The following RBFOX1 variants were observed in gnomAD, a reference collection of about 807,000 sequenced individuals.
The protein encoded by RBFOX1 is RNA binding protein fox-1 homolog 1.
Under a neutral mutation model 57.7 loss-of-function variants are expected in RBFOX1, and 8 were observed. That is an observed-to-expected ratio of 0.14 (90% CI 0.08 to 0.25). The LOEUF (loss-of-function observed/expected upper bound fraction) is 0.25. Among genes scored for constraint, RBFOX1 ranks in the 10% least tolerant of loss-of-function variants. RBFOX1 has a pLI of 1.00. For missense variants in RBFOX1, 611 were observed against 548.5 expected (o/e 1.11, Z -1.14); for synonymous variants, 326 against 222.4 (o/e 1.47, Z -4.15).
chr16:7,049,272 G>C (rs1166047749), intron 3 of RBFOX1, among the ~76,000 whole-genome samples: 1 of 152,112 alleles, frequency 6.6e-6, no homozygotes, highest in East Asian at 1.9e-4. Flanking sequence ...AGTGTCAAGA[G>C]AAGAGAGGAA....
At chr16:7,405,200 AGTG>A (rs1445324971) in intron 4 of RBFOX1, among the ~76,000 whole-genome samples, 1 of 152,202 alleles carries the variant, frequency 6.6e-6, no homozygotes, top group Non-Finnish European at 1.5e-5. Context: ...ACGATACAGC[AGTG>A]TTTGTTTTCT....
In RBFOX1 at chr16:6,019,885, G is replaced by A. The variant is rs1340458592; in HGVS notation, c.-234G>A. On this transcript the variant is annotated 5_prime_UTR_variant, in exon 1 of 16. Transcript: ENST00000550418. This position sits in a 1 kb window ranked among gnomAD's most constrained non-coding sequence, Gnocchi z 4.2. ...GCGTGAGAAACCAGCACCCCCTTCC[G>A]CCGCCTCCAGCTTATGGTGAGTGTG... is the stretch of plus-strand genomic sequence containing the variant. The A allele has an allele frequency of 3.9e-6, 6 of 1,534,770 alleles. No individual in the cohort carries two copies. The highest frequency in any genetic ancestry group is 2.5e-5 in the East Asian group (1 of 40,810).
rs184271494 is a variant in RBFOX1 at position 6,961,477 on chromosome 16, G to A, written c.-15-90580G>A. Among the ~76,000 whole-genome samples, 9 of 152,322 alleles carry A rather than the reference G, an allele frequency of 5.9e-5. No individual in the cohort carries two copies. In the East Asian group the frequency reaches 1.7e-3, roughly 29 times the overall value. ...AGGGGTCCCGATCAAGATCCCAAAG[G>A]AGGGTTCTTGGAAATTGCAGAAGAA... On this transcript the variant is annotated intron_variant, in intron 3 of 15. Coordinates refer to ENST00000550418, the MANE Select transcript of RBFOX1 (RefSeq NM_018723.4).
At chr16:6,687,406 C>G (rs1215166686) in intron 3 of RBFOX1, among the ~76,000 whole-genome samples, 1 of 151,982 alleles carries the variant, frequency 6.6e-6, no homozygotes. Flanking sequence ...ACCCATGTAA[C>G]CAAAAACCAC....
intron 4 of RBFOX1, among the ~76,000 whole-genome samples, chr16:5,888,102 C>G (rs1367940056): frequency 6.6e-6 from 1 of 152,200 alleles, no homozygotes; most frequent in East Asian, 1.9e-4. Context: ...CCACCTTCCT[C>G]TCAGACCACT....
intron 3 of RBFOX1, among the ~76,000 whole-genome samples, chr16:6,790,077 T>C (rs1021257681): frequency 1.5e-5 from 2 of 133,362 alleles, no homozygotes; most frequent in African/African-American, 2.5e-5. Flanking sequence ...AACTTATTTA[T>C]ATTTTTCTAT....
rs1253599905 is a variant in RBFOX1, at chr16:6,019,053, G to A, written c.-1066G>A. 5.1e-6 allele frequency: 5 copies of A among 971,692 alleles called. No homozygotes were observed. The highest frequency in any genetic ancestry group is 6.1e-6 in the Non-Finnish European group (5 of 818,048). 60.2% of individuals were successfully genotyped at this position (971,692 alleles called of 1,614,324 possible). ...TATTTTTGGCTCCGCAGCCGGGGCT[G>A]CTCGCTGCTTGTCGCGCGCTCACAC... On this transcript the variant is annotated 5_prime_UTR_variant, in exon 1 of 16. Transcript: ENST00000550418. The surrounding 1 kb of genome is among the most constrained non-coding windows in gnomAD (Gnocchi z 4.2).
rs143130283 is a variant in RBFOX1 at position 6,309,782 on chromosome 16, C to G, written c.-126-7213C>G. ...CAGACACAGAGACTATACCTGAGCC[C>G]TTGTTGAATGGGCAAATGCAGCCAA... On this transcript the variant is annotated intron_variant, in intron 1 of 15. Coordinates refer to ENST00000550418, the MANE Select transcript of RBFOX1 (RefSeq NM_018723.4). Among the ~76,000 whole-genome samples the G allele has an allele frequency of 6.2e-3, 949 of 152,114 alleles. 7 individuals carry two copies. The highest frequency in any genetic ancestry group is 8.4e-3 in the Non-Finnish European group (573 of 67,980).
At chr16:7,630,168 T>C (rs1218672240) in intron 10 of RBFOX1, among the ~76,000 whole-genome samples, 1 of 152,050 alleles carries the variant, frequency 6.6e-6, no homozygotes, top group African/African-American at 2.4e-5. Flanking sequence ...GAGGTAGGTA[T>C]ATTTACCCCT....
At chr16:6,133,875 A>G (rs2096647319) in intron 1 of RBFOX1, among the ~76,000 whole-genome samples, 1 of 151,722 alleles carries the variant, frequency 6.6e-6, no homozygotes, top group African/African-American at 2.4e-5. Flanking sequence ...CTTCTAAATT[A>G]CTGTTTAGAC....
chr16:7,165,957 C>CAT (rs1384584704), intron 4 of RBFOX1, among the ~76,000 whole-genome samples: 3 of 99,654 alleles, frequency 3.0e-5, no homozygotes, highest in African/African-American at 1.3e-4. Context: ...CACACACACA[C>CAT]ACACACACAT....
chr16:5,288,024 T>G (rs3942094), intron 1 of RBFOX1, among the ~76,000 whole-genome samples: 67,727 of 152,006 alleles, frequency 0.45, 15,408 homozygotes, highest in Non-Finnish European at 0.5. Context: ...ACTAGGGAGG[T>G]ACCATAGCAG....
intron 3 of RBFOX1, among the ~76,000 whole-genome samples, chr16:6,813,598 C>G (rs1385218211): frequency 4.6e-5 from 7 of 152,206 alleles, no homozygotes; most frequent in Admixed American, 4.6e-4. Flanking sequence ...AAACCTCTCT[C>G]TCCACAGGTG....
At position 6,375,296 on chromosome 16, in the gene RBFOX1, A is replaced by T. The variant is rs574491810; in HGVS notation, c.-64+58239A>T. ...TGTTTTGCCAGAGTGGGGAAAAAAAACAAAAACAAAAACAAAAACCACCTT... is the reference window on the plus strand; with the variant it reads ...TGTTTTGCCAGAGTGGGGAAAAAAATCAAAAACAAAAACAAAAACCACCTT... On this transcript the variant is annotated intron_variant, in intron 2 of 15. Coordinates refer to ENST00000550418, the MANE Select transcript of RBFOX1 (RefSeq NM_018723.4). 8.7e-4 allele frequency among the ~76,000 whole-genome samples: 131 copies of T among 151,196 alleles called. 1 individual carries two copies. The highest frequency in any genetic ancestry group is 3.1e-3 in the African/African-American group (125 of 40,580).
chr16:6,915,719 T>C (rs575524987), intron 3 of RBFOX1, among the ~76,000 whole-genome samples: 1 of 151,942 alleles, frequency 6.6e-6, no homozygotes, highest in Non-Finnish European at 1.5e-5. Flanking sequence ...CCTGACTAAA[T>C]TTTTCTACTT....
intron 1 of RBFOX1, among the ~76,000 whole-genome samples, chr16:6,028,509 TA>T (rs36218292): frequency 0.2 from 21,010 of 104,044 alleles, 2,237 homozygotes; most frequent in Middle Eastern, 0.3. Flanking sequence ...CTGTCTCTGT[TA>T]AAAAAAAAAA....
At chr16:7,651,917 T>C (rs1020117172) in intron 11 of RBFOX1, among the ~76,000 whole-genome samples, 1 of 152,076 alleles carries the variant, frequency 6.6e-6, no homozygotes, top group Non-Finnish European at 1.5e-5. Flanking sequence ...GTAGTGAGTA[T>C]GGTGAGAGCA....
At chr16:7,217,010 TCCCTCCCTCCCTCCCTCCCTCCCTCCCTC>T (rs2092172156) in intron 4 of RBFOX1, among the ~76,000 whole-genome samples, 1 of 6,444 alleles carries the variant, frequency 1.6e-4, no homozygotes, top group Non-Finnish European at 3.0e-4. Context: ...CTCCCTCCCT[TCCCTCCCTCCCTCCCTCCCTCCCTCCCTC>T]CCTCCCTCCC....
chr16:6,436,495 G>T (rs1278066961), intron 2 of RBFOX1, among the ~76,000 whole-genome samples: 1 of 143,956 alleles, frequency 6.9e-6, no homozygotes, highest in African/African-American at 2.6e-5. Context: ...ACAGTATCCT[G>T]CCTGGTTTTT....
Sources: allele counts gnomAD v4.1 joint callset (sites outside exome capture counted in the v4.1 genomes callset), GRCh38; gene constraint gnomAD v4.1.1; non-coding constraint Gnocchi (gnomAD v3.1); transcripts MANE v1.5; gene names NCBI Gene and HGNC (gene_info 2026-07-23, HGNC 2026-07-21).